OGFR: variants seen among roughly 807,000 people sequenced by gnomAD.
OGFR encodes protein 7-60.
OGFR carries 18 observed loss-of-function variants against 33.6 expected under a neutral mutation model. The ratio of observed to expected loss-of-function variants is 0.54; its 90% CI spans 0.37 to 0.80. OGFR has a LOEUF of 0.80. Among genes scored for constraint, OGFR ranks in the 30% least tolerant of loss-of-function variants. OGFR has a pLI of 0.00. For synonymous variants in OGFR, 370 were observed against 400.7 expected (o/e 0.92, Z 0.91); for missense variants, 877 against 955.8 (o/e 0.92, Z 1.09).
chr20:62,812,577 A>G lies in OGFR; in HGVS notation c.962A>G (p.His321Arg). The change falls in exon 7 of 7, where the codon CAC becomes CGC. Residue 321 changes from histidine to arginine, a missense_variant. His to Arg is a conservative substitution (Grantham distance 29). Around this residue, in one of 3 missense-constraint regions of OGFR, gnomAD observed 760 missense variants for 736.0 expected, o/e 1.03. Coordinates refer to ENST00000290291, the MANE Select transcript of OGFR (RefSeq NM_007346.4). ...EEEGSPGDPD[H>R]EASTQGRTCG... is the part of the protein sequence containing the mutation. ...GAAGGAAGCCCCGGGGACCCCGACC[A>G]CGAGGCCAGCACCCAGGGTCGGACC... The G allele has an allele frequency of 6.3e-7, 1 of 1,576,472 alleles. No individual in the cohort carries two copies. Among genetic ancestry groups the G allele is most frequent in the Non-Finnish European group, 8.6e-7 (1 of 1,161,462 alleles).
At position 62,807,972 on chromosome 20, in the gene OGFR, G is replaced by C. The variant is rs188493933; in HGVS notation, c.241-275G>C. On this transcript the variant is annotated intron_variant, in intron 2 of 6. Coordinates refer to ENST00000290291, the MANE Select transcript of OGFR (RefSeq NM_007346.4). ...CTCAGCCATTACCCTCCACACCCCTGAATCACGGAAACCCCTGTGCTGCCT... is the reference window on the plus strand; with the variant it reads ...CTCAGCCATTACCCTCCACACCCCTCAATCACGGAAACCCCTGTGCTGCCT... The C allele has an allele frequency of 1.8e-4, 110 of 602,408 alleles. 1 individual carries two copies. The highest frequency in any genetic ancestry group is 1.4e-3 in the Admixed American group (46 of 34,064). 37.3% of individuals were successfully genotyped at this position (602,408 alleles called of 1,614,324 possible). A position where few individuals can be genotyped will look rare whatever the true frequency, so the allele number is the denominator to read the frequency against.
intron 2 of OGFR, 35 bp downstream of exon 2, chr20:62,807,640 C>T (rs1282772102): frequency 6.3e-7 from 1 of 1,590,626 alleles, no homozygotes; most frequent in Non-Finnish European, 8.6e-7. Flanking sequence ...ACACAGAACC[C>T]TCCCGCCAGC....
chr20:62,807,610 G>A lies in OGFR; in HGVS notation c.240+5G>A, dbSNP rs1318789234. On this transcript the variant is annotated splice_donor_5th_base_variant and intron_variant, in intron 2 of 6. Transcript: ENST00000290291. ...AGGTATCGGCACAACTATCCGGTAC[G>A]TACCTGCCCCTGCCCCGGGACACAG... 9 of 1,609,830 alleles carry A rather than the reference G, an allele frequency of 5.6e-6. No individual in the cohort carries two copies. Among genetic ancestry groups the A allele is most frequent in the South Asian group, 1.1e-5 (1 of 90,656 alleles).
chr20:62,805,162 C>T, intron 1 of OGFR, 132 bp downstream of exon 1: 3 of 630,284 alleles, frequency 4.8e-6, no homozygotes, highest in Non-Finnish European at 4.6e-6. Flanking sequence ...CGGGGACCCC[C>T]CCCCAGACCG....
chr20:62,808,076 C>T, intron 2 of OGFR, 171 bp from the exon 3 acceptor site: 2 of 684,894 alleles, frequency 2.9e-6, no homozygotes, highest in South Asian at 1.6e-5. Context: ...GGCTTGGAGG[C>T]AGCTGCTGTC....
intron 3 of OGFR, among the ~76,000 whole-genome samples, chr20:62,809,100 G>A (rs774024011): frequency 6.5e-4 from 99 of 152,164 alleles, no homozygotes; most frequent in Non-Finnish European, 1.3e-3. Flanking sequence ...TGCACGTGCC[G>A]GGCTGCAACG....
At chr20:62,808,940 C>T (rs924112006) in intron 3 of OGFR, among the ~76,000 whole-genome samples, 2 of 143,236 alleles carry the variant, frequency 1.4e-5, no homozygotes, top group African/African-American at 5.2e-5. Flanking sequence ...TCGCCACTGC[C>T]CTCCAGCCTG....
chr20:62,811,624 G>GCGGGGGCCCCCCCC lies in OGFR; in HGVS notation c.614+15_614+16insGGGGGCCCCCCCCC. On this transcript the variant is annotated intron_variant, in intron 6 of 6. Transcript: ENST00000290291. ...GAACCTGAACTGGTGAGGCCCGGCT[G>GCGGGGGCCCCCCCC]CTCCCGCCCACCCCCACCCCGGCGC... 1.3e-6 allele frequency: 2 copies of GCGGGGGCCCCCCCC among 1,551,494 alleles called. No homozygotes were observed.
intron 6 of OGFR, among the ~76,000 whole-genome samples, chr20:62,811,898 CAG>C (rs1990736435): frequency 6.6e-6 from 1 of 152,192 alleles, no homozygotes; most frequent in South Asian, 2.1e-4. Flanking sequence ...CCAGTTCTCA[CAG>C]GGTGTTCGAG....
chr20:62,808,436 C>A, intron 3 of OGFR, 111 bp downstream of exon 3: 1 of 773,078 alleles, frequency 1.3e-6, no homozygotes. Context: ...CCACGGCTTT[C>A]AAATAGCCCC....
chr20:62,811,549 C>A lies in OGFR; in HGVS notation c.553C>A (p.Arg185=). The change falls in exon 6 of 7, where the codon CGA becomes AGA. Residue 185 remains arginine (R), a synonymous_variant. Coordinates refer to ENST00000290291, the MANE Select transcript of OGFR (RefSeq NM_007346.4). ...CTTCTACGGGATCCGGCTGGAGGAC[C>A]GAGGCACGGGCACGGTGGGCCGAGC... ...LGFYGIRLED[R]GTGTVGRAQN... is the part of the protein sequence containing the mutation. The A allele has an allele frequency of 6.2e-7, 1 of 1,607,142 alleles. No homozygotes were observed. The highest frequency in any genetic ancestry group is 8.5e-7 in the Non-Finnish European group (1 of 1,177,638).
chr20:62,812,163 A>G, intron 6 of OGFR, 67 bp from the exon 7 acceptor site: 1 of 1,379,368 alleles, frequency 7.2e-7, no homozygotes, highest in Non-Finnish European at 9.6e-7. Flanking sequence ...AGGGCAGGCC[A>G]GGGCGGGGTG....
At chr20:62,807,118 G>A (rs1276141519) in intron 1 of OGFR, 2 of 202,304 alleles carry the variant, frequency 9.9e-6, no homozygotes, top group South Asian at 8.5e-5. Flanking sequence ...ACAAAGCAGG[G>A]GGAGTCTCCA....
At chr20:62,807,459 G>T in intron 1 of OGFR, 78 bp from the exon 2 acceptor site, 4 of 1,295,916 alleles carry the variant, frequency 3.1e-6, no homozygotes, top group Non-Finnish European at 4.4e-6. Flanking sequence ...GCTGGCCCAG[G>T]CCCTGCAGCC....
In OGFR at chr20:62,810,512, C is replaced by T. The variant is rs1475412489; in HGVS notation, c.412C>T (p.Arg138Ter). 3 of 1,613,144 alleles carry T rather than the reference C, an allele frequency of 1.9e-6. No individual in the cohort carries two copies. Among genetic ancestry groups the T allele is most frequent in the East Asian group, 2.2e-5 (1 of 44,870 alleles). Residue 138 changes from arginine to a stop codon, truncating the protein, a stop_gained, in exon 5 of 7, where the codon CGA (arginine) becomes TGA (stop). Transcript: ENST00000290291. LOFTEE classifies it high-confidence loss of function. ...CTTCTCCTGCAGGCTGTTTCCTCTG[C>T]GAGAACCAGGAGTGAACTGGCATGC... is the stretch of plus-strand genomic sequence containing the variant. ...HSYIQWLFPL[R>*]EPGVNWHAKP...
At chr20:62,809,470 T>C in intron 3 of OGFR, 115 bp from the exon 4 acceptor site, 2 of 778,568 alleles carry the variant, frequency 2.6e-6, no homozygotes, top group Non-Finnish European at 4.6e-6. Flanking sequence ...GGGCGAGGAA[T>C]AGCTTGGGGA....
chr20:62,808,218 C>T lies in OGFR; in HGVS notation c.241-29C>T, dbSNP rs768725805. The T allele has an allele frequency of 4.3e-5, 68 of 1,566,618 alleles. No individual in the cohort carries two copies. In the South Asian group the frequency reaches 7.0e-4, roughly 16 times the overall value. On this transcript the variant is annotated intron_variant, in intron 2 of 6. Coordinates refer to ENST00000290291, the MANE Select transcript of OGFR (RefSeq NM_007346.4). ...CAGGGCAGCTTGTGTCTGATGGATC[C>T]CTGCTGTCCCCTTTCTCTGGCTCTT...
At chr20:62,811,757 G>T in intron 6 of OGFR, 147 bp downstream of exon 6, 1 of 907,162 alleles carries the variant, frequency 1.1e-6, no homozygotes, top group South Asian at 1.8e-5. Flanking sequence ...CCTCCTTGCT[G>T]CCTGTAGAGC....
chr20:62,812,627 G>A lies in OGFR; in HGVS notation c.1012G>A (p.Gly338Arg), dbSNP rs1465917373. 5.1e-6 allele frequency: 8 copies of A among 1,561,696 alleles called. No individual in the cohort carries two copies. The highest frequency in any genetic ancestry group is 6.9e-6 in the Non-Finnish European group (8 of 1,153,980). ...RTCGPEHSKG[G>R]GRVDEGPQPR... Reference sequence around the variant, plus strand: ...CTGTGGGCCAGAGCATAGCAAGGGTGGGGGCAGGGTGGACGAGGGGCCCCA... The same window carrying A: ...CTGTGGGCCAGAGCATAGCAAGGGTAGGGGCAGGGTGGACGAGGGGCCCCA... Residue 338 changes from glycine (G) to arginine (R), a missense_variant, in exon 7 of 7, where the codon GGG becomes AGG. Coordinates refer to ENST00000290291, the MANE Select transcript of OGFR (RefSeq NM_007346.4).
Sources: gnomAD v4.1 joint callset for allele counts (sites outside exome capture counted in the v4.1 genomes callset) on GRCh38, gnomAD v4.1.1 for gene constraint, gnomAD v4.1.1 regional missense constraint, MANE v1.5 for transcripts, NCBI Gene and HGNC (gene_info 2026-07-23, HGNC 2026-07-21) for gene names.